The following KLHL32 variants were observed in gnomAD, a reference collection of about 807,000 sequenced individuals.
KLHL32 encodes kelch like family member 32, also known as kelch-like protein 32.
In KLHL32, 35 loss-of-function variants were observed where a neutral mutation model predicts 64.8. The observed-to-expected ratio is 0.54, with a 90% CI of 0.41 to 0.72. The LOEUF (loss-of-function observed/expected upper bound fraction) is 0.72, where lower values mean the gene tolerates loss of function less well. KLHL32 is among the 30% of genes least tolerant of loss of function. KLHL32 has a pLI of 0.00. For synonymous variants in KLHL32, 259 were observed against 281.0 expected (o/e 0.92, Z 0.78); for missense variants, 589 against 768.5 (o/e 0.77, Z 2.76).
intron 3 of KLHL32, among the ~76,000 whole-genome samples, chr6:97,037,558 C>T (rs565364787): frequency 2.6e-5 from 4 of 152,086 alleles, no homozygotes; most frequent in Admixed American, 6.5e-5. Flanking sequence ...AAAGATACTC[C>T]GTATTCATGG....
chr6:97,118,877 G>A (rs1798085235), intron 7 of KLHL32, among the ~76,000 whole-genome samples: 1 of 152,152 alleles, frequency 6.6e-6, no homozygotes. Flanking sequence ...GGTGACAGCA[G>A]AAGTCTTTCC....
At chr6:96,960,635 G>T (rs1052679536) in intron 1 of KLHL32, among the ~76,000 whole-genome samples, 49 of 152,308 alleles carry the variant, frequency 3.2e-4, no homozygotes, top group Admixed American at 2.4e-3. Flanking sequence ...GATTTATTCT[G>T]AGCCAAATAT....
At chr6:97,112,375 A>G in intron 6 of KLHL32, among the ~76,000 whole-genome samples, 1 of 152,158 alleles carries the variant, frequency 6.6e-6, no homozygotes, top group East Asian at 1.9e-4. Flanking sequence ...AGGTTTGCCA[A>G]ACTTAACTAT....
chr6:97,083,417 G>A (rs1383059426), intron 5 of KLHL32, among the ~76,000 whole-genome samples: 1 of 151,296 alleles, frequency 6.6e-6, no homozygotes, highest in Non-Finnish European at 1.5e-5. Flanking sequence ...TGTACTTGGG[G>A]AATAACAGAG....
intron 6 of KLHL32, among the ~76,000 whole-genome samples, chr6:97,108,831 T>C (rs931258326): frequency 3.1e-4 from 47 of 152,206 alleles, no homozygotes; most frequent in African/African-American, 1.1e-3. Flanking sequence ...ATTAAGCTAA[T>C]TAAGTATCTT....
chr6:96,932,599 C>T (rs1250737058), intron 1 of KLHL32, among the ~76,000 whole-genome samples: 2 of 119,834 alleles, frequency 1.7e-5, no homozygotes, highest in East Asian at 2.9e-4. Context: ...GACAGATTCT[C>T]GCTCTGTCAC....
intron 3 of KLHL32, among the ~76,000 whole-genome samples, chr6:97,020,142 C>T (rs758692807): frequency 5.9e-5 from 9 of 151,758 alleles, no homozygotes; most frequent in Admixed American, 2.0e-4. Context: ...AGGGTTTCAC[C>T]GTGTTGGCCA....
intron 1 of KLHL32, among the ~76,000 whole-genome samples, chr6:96,933,298 C>T (rs1582383557): frequency 6.6e-6 from 1 of 152,138 alleles, no homozygotes; most frequent in Non-Finnish European, 1.5e-5. Context: ...GCTTCCTCTA[C>T]TTGGACCTCT....
intron 4 of KLHL32, among the ~76,000 whole-genome samples, chr6:97,052,733 G>A (rs1260890060): frequency 6.6e-6 from 1 of 152,188 alleles, no homozygotes; most frequent in Non-Finnish European, 1.5e-5. Context: ...TGACTCGATT[G>A]AGAAGGACTT....
intron 1 of KLHL32, among the ~76,000 whole-genome samples, chr6:96,931,880 G>T (rs888157662): frequency 6.6e-6 from 1 of 151,588 alleles, no homozygotes; most frequent in African/African-American, 2.4e-5. Flanking sequence ...AAATCATTAT[G>T]AAAAAAAAGC....
chr6:96,976,586 T>TA (rs1554208909), intron 3 of KLHL32, among the ~76,000 whole-genome samples: 26 of 151,824 alleles, frequency 1.7e-4, no homozygotes, highest in East Asian at 1.2e-3. Context: ...TATATATATA[T>TA]TTTTGTTTTG....
Position 96,959,637 on chromosome 6 carries a change from T to C in KLHL32, c.-65-7359T>C, listed in dbSNP as rs116146955. Among the ~76,000 whole-genome samples, 382 of 152,314 alleles carry C rather than the reference T, an allele frequency of 2.5e-3. 4 individuals are homozygous for C. Among genetic ancestry groups the C allele is most frequent in the African/African-American group, 8.8e-3 (367 of 41,566 alleles). On this transcript the variant is annotated intron_variant, in intron 1 of 10. Coordinates refer to ENST00000369261, the MANE Select transcript of KLHL32 (RefSeq NM_052904.4). ...CCAAATCTCCAACACAGTCACATACTGAGGTATTGGAAGCTTCAAGACATG... is the reference window on the plus strand; with the variant it reads ...CCAAATCTCCAACACAGTCACATACCGAGGTATTGGAAGCTTCAAGACATG...
chr6:96,907,028 G>T, the KLHL32 span, among the ~76,000 whole-genome samples: 383 of 152,270 alleles, frequency 2.5e-3, 1 homozygote, highest in Non-Finnish European at 4.3e-3. Context: ...GATAATTCAT[G>T]TACCTAGCTA....
intron 3 of KLHL32, among the ~76,000 whole-genome samples, chr6:96,980,969 C>T (rs1776234330): frequency 6.8e-6 from 1 of 147,224 alleles, no homozygotes; most frequent in African/African-American, 2.5e-5. Context: ...TCATTCTTCA[C>T]ATGGTGGCAG....
At chr6:96,919,344 T>A in the KLHL32 span, among the ~76,000 whole-genome samples, 1 of 152,336 alleles carries the variant, frequency 6.6e-6, no homozygotes, top group East Asian at 1.9e-4. Flanking sequence ...GTGACTCATT[T>A]GTCACTATGA....
intron 2 of KLHL32, among the ~76,000 whole-genome samples, chr6:96,972,172 T>G (rs1339391558): frequency 7.2e-5 from 11 of 152,164 alleles, no homozygotes. Context: ...TAAAATTAAT[T>G]TTAACAATAT....
intron 1 of KLHL32, among the ~76,000 whole-genome samples, chr6:96,936,935 T>G (rs1019102239): frequency 1.3e-5 from 2 of 152,158 alleles, no homozygotes; most frequent in Admixed American, 1.3e-4. Flanking sequence ...CAAATGTCAC[T>G]TTCTCAATGA....
chr6:97,101,654 T>A (rs1238198052), intron 6 of KLHL32, among the ~76,000 whole-genome samples: 1 of 152,240 alleles, frequency 6.6e-6, no homozygotes, highest in African/African-American at 2.4e-5. Context: ...TTCTCCAACG[T>A]TGAATTTAAC....
At chr6:96,946,931 G>C (rs1771991527) in intron 1 of KLHL32, among the ~76,000 whole-genome samples, 1 of 152,072 alleles carries the variant, frequency 6.6e-6, no homozygotes, top group South Asian at 2.1e-4. Context: ...AAAATATTGG[G>C]TTCTATATAC....
Sources: allele counts gnomAD v4.1 joint callset (sites outside exome capture counted in the v4.1 genomes callset), GRCh38; gene constraint gnomAD v4.1.1; transcripts MANE v1.5; gene names NCBI Gene and HGNC (gene_info 2026-07-23, HGNC 2026-07-21).